Variants in TMEM132D observed in about 807,000 individuals in gnomAD.
The protein encoded by TMEM132D is transmembrane protein 132D.
Under a neutral mutation model 62.3 loss-of-function variants are expected in TMEM132D, and 21 were observed. The ratio of observed to expected loss-of-function variants is 0.34; its 90% CI spans 0.24 to 0.49. TMEM132D has a LOEUF of 0.49. TMEM132D is among the 20% of genes least tolerant of loss of function. TMEM132D has a pLI of 0.99. For synonymous variants in TMEM132D, 621 were observed against 575.6 expected (o/e 1.08, Z -1.13); for missense variants, 1,346 against 1,402.8 (o/e 0.96, Z 0.65).
chr12:129,774,842 A>G (rs1365626814), intron 1 of TMEM132D, among the ~76,000 whole-genome samples: 1 of 152,142 alleles, frequency 6.6e-6, no homozygotes, highest in African/African-American at 2.4e-5. Context: ...TAACCAGTCT[A>G]CCGCTTTCGG....
At chr12:129,526,186 C>T (rs1258463239) in intron 3 of TMEM132D, among the ~76,000 whole-genome samples, 3 of 152,140 alleles carry the variant, frequency 2.0e-5, no homozygotes. Context: ...AGGTACTATG[C>T]TTTTTTCATC....
chr12:129,306,046 G>A (rs920144127), intron 4 of TMEM132D, among the ~76,000 whole-genome samples: 1 of 152,250 alleles, frequency 6.6e-6, no homozygotes, highest in Admixed American at 6.5e-5. Context: ...GTCAGGGAAC[G>A]GGTTTAACTC....
At chr12:129,441,711 A>G (rs141988014) in intron 3 of TMEM132D, among the ~76,000 whole-genome samples, 417 of 152,320 alleles carry the variant, frequency 2.7e-3, no homozygotes, top group African/African-American at 9.6e-3. Flanking sequence ...AGTACTATTC[A>G]TAATAGCAGC....
chr12:129,147,428 C>T (rs1876944036), intron 5 of TMEM132D, among the ~76,000 whole-genome samples: 1 of 151,914 alleles, frequency 6.6e-6, no homozygotes, highest in African/African-American at 2.4e-5. Context: ...TATGTAAGTA[C>T]ACACTCTTGC....
At chr12:129,593,047 A>G (rs1878238581) in intron 2 of TMEM132D, among the ~76,000 whole-genome samples, 1 of 152,216 alleles carries the variant, frequency 6.6e-6, no homozygotes, top group South Asian at 2.1e-4. Flanking sequence ...GAAGTTACAG[A>G]GACCTATGAG....
intron 3 of TMEM132D, chr12:129,521,494 G>A (rs1010099693): frequency 1.3e-5 from 2 of 152,142 alleles, no homozygotes; most frequent in Admixed American, 1.3e-4. Flanking sequence ...AAAAGAGCAA[G>A]TTTATATAGA....
chr12:129,556,523 AC>A (rs1356149927), intron 2 of TMEM132D, among the ~76,000 whole-genome samples: 4 of 151,794 alleles, frequency 2.6e-5, no homozygotes, highest in Non-Finnish European at 4.4e-5. Flanking sequence ...CTCAGTGGTG[AC>A]CGAAAATGGT....
chr12:129,555,266 T>A (rs1057088669), intron 2 of TMEM132D, among the ~76,000 whole-genome samples: 4 of 152,192 alleles, frequency 2.6e-5, no homozygotes, highest in Non-Finnish European at 5.9e-5. Context: ...GGAAATGTAC[T>A]TAGCCTACAA....
At chr12:129,393,528 AG>A (rs1233734489) in intron 3 of TMEM132D, among the ~76,000 whole-genome samples, 6 of 152,218 alleles carry the variant, frequency 3.9e-5, no homozygotes, top group Non-Finnish European at 5.9e-5. Context: ...AGACAGCAAC[AG>A]GCCAGTCTGT....
intron 3 of TMEM132D, among the ~76,000 whole-genome samples, chr12:129,509,130 G>A (rs1875426466): frequency 6.6e-6 from 1 of 152,182 alleles, no homozygotes; most frequent in African/African-American, 2.4e-5. Flanking sequence ...GTGCAGAAAT[G>A]TAGAAAGCTA....
intron 4 of TMEM132D, among the ~76,000 whole-genome samples, chr12:129,246,601 C>T (rs1398224486): frequency 6.6e-6 from 1 of 151,986 alleles, no homozygotes; most frequent in African/African-American, 2.4e-5. Context: ...TCTAAAAATA[C>T]AAAAATGAGC....
At chr12:129,771,752 T>C (rs1402659107) in intron 1 of TMEM132D, among the ~76,000 whole-genome samples, 1 of 152,266 alleles carries the variant, frequency 6.6e-6, no homozygotes, top group Non-Finnish European at 1.5e-5. Flanking sequence ...CCCTTGCCTT[T>C]GAATACAGTG....
chr12:129,242,076 T>C (rs1360029252), intron 4 of TMEM132D, among the ~76,000 whole-genome samples: 1 of 152,210 alleles, frequency 6.6e-6, no homozygotes, highest in Non-Finnish European at 1.5e-5. Flanking sequence ...ATTCTAAGTA[T>C]TCTCAAGGAT....
intron 3 of TMEM132D, among the ~76,000 whole-genome samples, chr12:129,391,047 T>C (rs912255891): frequency 6.6e-6 from 1 of 152,236 alleles, no homozygotes; most frequent in East Asian, 1.9e-4. Context: ...TTCATTCTTA[T>C]AACTATTGAA....
intron 1 of TMEM132D, among the ~76,000 whole-genome samples, chr12:129,765,999 C>T (rs373691444): frequency 5.3e-5 from 8 of 152,198 alleles, no homozygotes; most frequent in South Asian, 2.1e-4. Flanking sequence ...GGATGGGTGG[C>T]GCCCTTGGAC....
chr12:129,598,917 C>T (rs1878416003), intron 2 of TMEM132D, among the ~76,000 whole-genome samples: 1 of 152,152 alleles, frequency 6.6e-6, no homozygotes, highest in Non-Finnish European at 1.5e-5. Context: ...GCTGCTCAGA[C>T]CATCTCATGG....
chr12:129,163,999 G>C (rs1418885085), intron 5 of TMEM132D, among the ~76,000 whole-genome samples: 2 of 152,172 alleles, frequency 1.3e-5, no homozygotes, highest in Non-Finnish European at 2.9e-5. Context: ...ACACCAAATG[G>C]GTTCCCAGGC....
intron 2 of TMEM132D, among the ~76,000 whole-genome samples, chr12:129,571,633 GAC>G (rs1257175428): frequency 6.6e-6 from 1 of 151,856 alleles, no homozygotes; most frequent in Non-Finnish European, 1.5e-5. Context: ...AGGGAGAGGA[GAC>G]ACAAACAGCA....
At chr12:129,377,640 T>C (rs1302577950) in intron 3 of TMEM132D, among the ~76,000 whole-genome samples, 18 of 152,142 alleles carry the variant, frequency 1.2e-4, no homozygotes, top group Admixed American at 1.2e-3. Context: ...GGTCCTGATA[T>C]TTAGAGGAAC....
Sources: allele counts gnomAD v4.1 joint callset (sites outside exome capture counted in the v4.1 genomes callset), GRCh38; gene constraint gnomAD v4.1.1; transcripts MANE v1.5; gene names NCBI Gene and HGNC (gene_info 2026-07-23, HGNC 2026-07-21).